Variants in PTCH1 observed in about 807,000 individuals in gnomAD.
PTCH1 encodes the protein patched 1.
Under a neutral mutation model 144.6 loss-of-function variants are expected in PTCH1, and 14 were observed. The ratio of observed to expected loss-of-function variants is 0.10; its 90% CI spans 0.06 to 0.15. The LOEUF (loss-of-function observed/expected upper bound fraction) is 0.15, where lower values mean the gene tolerates loss of function less well. Among genes scored for constraint, PTCH1 ranks in the 10% least tolerant of loss-of-function variants. PTCH1 has a pLI of 1.00. For synonymous variants in PTCH1, 833 were observed against 793.6 expected (o/e 1.05, Z -0.83); for missense variants, 1,623 against 1,948.3 (o/e 0.83, Z 3.14).
In PTCH1 at chr9:95,468,871, G is replaced by A. The variant is rs774362306; in HGVS notation, c.2130C>T (p.Asp710=). 1 of 1,614,192 alleles carries A rather than the reference G, an allele frequency of 6.2e-7. No homozygotes were observed. ...QSPESTSSTR[D]LLSQFSDSSL... is the part of the protein sequence containing the mutation. ...TGGAGTCGGAGAACTGGGAGAGCAG[G>A]TCCCTTGTGGAGCTGGTGCTCTCTG... Residue 710 remains aspartate, a synonymous_variant, in exon 14 of 24, where the codon GAC becomes GAT. Transcript: ENST00000331920.
intron 15 of PTCH1, among the ~76,000 whole-genome samples, chr9:95,463,272 A>C (rs866721658): frequency 5.3e-5 from 8 of 151,874 alleles, no homozygotes; most frequent in Middle Eastern, 3.4e-3. Flanking sequence ...CTCTCTAAGA[A>C]GCGAAACCCT....
rs1837797952 is a variant in PTCH1, at chr9:95,445,420, C to T, written c.*973G>A. 1 of 152,170 alleles carries T rather than the reference C, an allele frequency of 6.6e-6. No homozygotes were observed. The highest frequency in any genetic ancestry group is 6.5e-5 in the Admixed American group (1 of 15,270). The allele number at this position is 152,170 out of a possible 1,614,324, so 9.4% of individuals were successfully genotyped here. ...TCAGCACTAGGCATGTCACCGAATT[C>T]TCTAACACCCACCATGATGAACTGA... On this transcript the variant is annotated 3_prime_UTR_variant, in exon 24 of 24. Transcript: ENST00000331920.
At chr9:95,511,200 AG>A (rs1382978207), upstream of PTCH1, among the ~76,000 whole-genome samples, 1 of 150,572 alleles carries the variant, frequency 6.6e-6, no homozygotes, top group African/African-American at 2.4e-5. Context: ...CGGCTCCCGC[AG>A]GGGGCCCGTC....
chr9:95,481,654 T>TA (rs1265512682), intron 5 of PTCH1, among the ~76,000 whole-genome samples: 1 of 152,240 alleles, frequency 6.6e-6, no homozygotes, highest in South Asian at 2.1e-4. Context: ...ACGAACATTT[T>TA]AAAGAGTTAA....
Position 95,446,937 on chromosome 9 carries a change from C to A in PTCH1, c.4319G>T (p.Arg1440Met). 1.2e-6 allele frequency: 2 copies of A among 1,614,154 alleles called. No homozygotes were observed. Among genetic ancestry groups the A allele is most frequent in the Non-Finnish European group, 1.7e-6 (2 of 1,180,044 alleles). The change falls in exon 23 of 24, where the codon AGG becomes ATG. Residue 1440 changes from arginine to methionine, a missense_variant. Arg to Met is a moderately conservative substitution (Grantham distance 91). Around this residue, in one of 7 missense-constraint regions of PTCH1, gnomAD observed 291 missense variants for 287.4 expected, o/e 1.01. Transcript: ENST00000331920. ...TCAGTTGGAGCTGCTTCCCCGGGGC[C>A]TCTCCTCGCATTCCACGTCCTGCAG... ...IELQDVECEERPRGSSSN is the reference protein window; with the variant it reads ...IELQDVECEEMPRGSSSN
chr9:95,505,831 T>C (rs1032965462), intron 2 of PTCH1, among the ~76,000 whole-genome samples: 7 of 150,976 alleles, frequency 4.6e-5, no homozygotes, highest in African/African-American at 1.4e-4. Context: ...AGTTGAAAGC[T>C]GTCCAAAAAC....
intron 9 of PTCH1, 76 bp from the exon 10 acceptor site, chr9:95,477,778 C>A: frequency 6.4e-7 from 1 of 1,567,952 alleles, no homozygotes; most frequent in East Asian, 2.3e-5. Flanking sequence ...TTTCCCTCCA[C>A]CCATCACCCC....
intron 2 of PTCH1, among the ~76,000 whole-genome samples, chr9:95,492,960 G>C (rs1842530261): frequency 6.6e-6 from 1 of 152,014 alleles, no homozygotes; most frequent in Non-Finnish European, 1.5e-5. Flanking sequence ...TGCAAATTCT[G>C]CCATCTTATT....
intron 2 of PTCH1, among the ~76,000 whole-genome samples, chr9:95,501,486 G>A (rs1037011744): frequency 3.3e-5 from 5 of 151,378 alleles, no homozygotes; most frequent in African/African-American, 7.3e-5. Context: ...AAACTTGAAA[G>A]CACTTACACA....
At chr9:95,513,246 TCAAAC>T (rs1401490560), upstream of PTCH1, among the ~76,000 whole-genome samples, 1 of 152,218 alleles carries the variant, frequency 6.6e-6, no homozygotes, top group African/African-American at 2.4e-5. Flanking sequence ...GTTTCTCAGA[TCAAAC>T]CAAATGAGTC....
At chr9:95,510,863 C>T (rs963185428), upstream of PTCH1, among the ~76,000 whole-genome samples, 8 of 151,076 alleles carry the variant, frequency 5.3e-5, no homozygotes, top group African/African-American at 1.9e-4. Flanking sequence ...GCGCGCGCGC[C>T]CGGCTCCCGG....
At position 95,508,164 on chromosome 9, in the gene PTCH1, G is replaced by C. The variant is rs1355794957; in HGVS notation, c.198C>G (p.Ser66=). ...CDAAFALEQI[S]KGKATGRKAP... ...GAGGAGAGAGTCTGAAATGCACCTT[G>C]GAAATCTGCTCCAGAGCGAAGGCGG... is the stretch of plus-strand genomic sequence containing the variant. Residue 66 remains serine, a synonymous_variant, in exon 1 of 24, where the codon TCC becomes TCG. Coordinates refer to ENST00000331920, the MANE Select transcript of PTCH1 (RefSeq NM_000264.5). 1 of 1,612,578 alleles carries C rather than the reference G, an allele frequency of 6.2e-7. No individual in the cohort carries two copies. Among genetic ancestry groups the C allele is most frequent in the East Asian group, 2.2e-5 (1 of 44,850 alleles).
At chr9:95,493,545 ACCCTTTCAGC>A (rs1842575415) in intron 2 of PTCH1, among the ~76,000 whole-genome samples, 1 of 152,096 alleles carries the variant, frequency 6.6e-6, no homozygotes, top group Non-Finnish European at 1.5e-5. Flanking sequence ...AAAACAAATG[ACCCTTTCAGC>A]CTGAAAAGTA....
intron 19 of PTCH1, 34 bp downstream of exon 19, chr9:95,456,242 T>C: frequency 6.2e-7 from 1 of 1,611,468 alleles, no homozygotes; most frequent in Non-Finnish European, 8.5e-7. Flanking sequence ...GGGTTGTTTT[T>C]TCACAAAGTT....
At chr9:95,453,360 G>A (rs1588527782) in intron 20 of PTCH1, 118 bp downstream of exon 20, 1 of 1,477,110 alleles carries the variant, frequency 6.8e-7, no homozygotes, top group East Asian at 2.3e-5. Context: ...TGAACTCCTT[G>A]ACCTTCTGAT....
At chr9:95,471,389 C>T (rs1840568620) in intron 12 of PTCH1, among the ~76,000 whole-genome samples, 1 of 152,174 alleles carries the variant, frequency 6.6e-6, no homozygotes, top group Non-Finnish European at 1.5e-5. Context: ...TCTTGAAAAT[C>T]CTTCATCAAC....
rs986332160 is a variant in PTCH1 at position 95,467,769 on chromosome 9, A to AT, written c.2251-345dup. ...CAGGTGTGCACCACCACGCCTGGCT[A>AT]TTTTTTTTTGTATTTTTAGTAGAGA... On this transcript the variant is annotated intron_variant, in intron 14 of 23. Coordinates refer to ENST00000331920, the MANE Select transcript of PTCH1 (RefSeq NM_000264.5). Among the ~76,000 whole-genome samples the AT allele has an allele frequency of 1.8e-3, 276 of 149,804 alleles. 1 individual carries two copies. Among genetic ancestry groups the AT allele is most frequent in the African/African-American group, 6.2e-3 (251 of 40,778 alleles).
rs773389781 is a variant in PTCH1, at chr9:95,449,300, G to A, written c.3573C>T (p.Asn1191=). 1.3e-6 allele frequency: 2 copies of A among 1,553,610 alleles called. No homozygotes were observed. Among genetic ancestry groups the A allele is most frequent in the Non-Finnish European group, 1.7e-6 (2 of 1,149,752 alleles). ...GCTCAGGGGAGGGTGTGGGCAGGCG[G>A]TTCAAGCCGTTGGCTGGAGACACCT... is the stretch of plus-strand genomic sequence containing the variant. ...YPEVSPANGL[N]RLPTPSPEPP... is the part of the protein sequence containing the mutation. The change falls in exon 22 of 24, where the codon AAC becomes AAT. Residue 1191 remains asparagine (N), a synonymous_variant. Coordinates refer to ENST00000331920, the MANE Select transcript of PTCH1 (RefSeq NM_000264.5). This position sits in a 1 kb window ranked among gnomAD's most constrained non-coding sequence, Gnocchi z 5.3.
intron 1 of PTCH1, chr9:95,506,888 G>A: frequency 2.6e-6 from 3 of 1,142,810 alleles, no homozygotes; most frequent in African/African-American, 1.6e-5. Flanking sequence ...TACAGAAGAG[G>A]AAGCCGAGGT....
Sources: gnomAD v4.1 joint callset for allele counts (sites outside exome capture counted in the v4.1 genomes callset) on GRCh38, gnomAD v4.1.1 for gene constraint, gnomAD v4.1.1 regional missense constraint, Gnocchi (gnomAD v3.1) non-coding constraint, MANE v1.5 for transcripts, NCBI Gene and HGNC (gene_info 2026-07-23, HGNC 2026-07-21) for gene names.